The following FFAR4 variants were observed in gnomAD, a reference collection of about 807,000 sequenced individuals.
FFAR4 encodes free fatty acid receptor 4, also known as G-protein coupled receptor 120.
FFAR4 carries 19 observed loss-of-function variants against 27.0 expected under a neutral mutation model. The ratio of observed to expected loss-of-function variants is 0.70; its 90% CI spans 0.49 to 1.03. The LOEUF is 1.03. Among genes scored for constraint, FFAR4 ranks in the 50% least tolerant of loss-of-function variants. FFAR4 has a pLI of 0.00. For missense variants in FFAR4, 476 were observed against 479.0 expected (o/e 0.99, Z 0.06); for synonymous variants, 254 against 215.6 (o/e 1.18, Z -1.56).
At chr10:93,579,685 A>G (rs2058187609) in intron 2 of FFAR4, among the ~76,000 whole-genome samples, 1 of 152,176 alleles carries the variant, frequency 6.6e-6, no homozygotes, top group Non-Finnish European at 1.5e-5. Context: ...TGGCTCATTC[A>G]TTGTAGGTGC....
At chr10:93,567,624 C>T (rs1416179728) in intron 1 of FFAR4, among the ~76,000 whole-genome samples, 1 of 152,118 alleles carries the variant, frequency 6.6e-6, no homozygotes, top group Admixed American at 6.5e-5. Flanking sequence ...TGATTCCTCG[C>T]CAGGTGCTAC....
At chr10:93,577,512 A>T (rs1263243450) in intron 2 of FFAR4, among the ~76,000 whole-genome samples, 2 of 152,184 alleles carry the variant, frequency 1.3e-5, no homozygotes, top group African/African-American at 2.4e-5. Flanking sequence ...CACTAAAGTG[A>T]CACCCAGCCT....
rs2134561086 is a variant in FFAR4 at position 93,588,766 on chromosome 10, G to A, written c.*1157G>A. The A allele has an allele frequency of 6.6e-6, 1 of 152,354 alleles. No individual in the cohort carries two copies. Among genetic ancestry groups the A allele is most frequent in the Middle Eastern group, 3.4e-3 (1 of 294 alleles). 9.4% of individuals were successfully genotyped at this position (152,354 alleles called of 1,614,324 possible). On this transcript the variant is annotated 3_prime_UTR_variant, in exon 3 of 3. Coordinates refer to ENST00000371481, the MANE Select transcript of FFAR4 (RefSeq NM_001195755.2). ...AACGGCACAATCACGGCTCCCTGAA[G>A]CCTCAAATGCCTTGGCTCAAGCAAT... is the stretch of plus-strand genomic sequence containing the variant.
intron 1 of FFAR4, among the ~76,000 whole-genome samples, chr10:93,569,260 G>A (rs1469293471): frequency 6.6e-6 from 1 of 152,200 alleles, no homozygotes; most frequent in Non-Finnish European, 1.5e-5. Context: ...GTTTTCAGAT[G>A]TGTATTTTGT....
chr10:93,586,892 T>A (rs138959762), intron 2 of FFAR4, among the ~76,000 whole-genome samples: 1 of 152,310 alleles, frequency 6.6e-6, no homozygotes, highest in East Asian at 1.9e-4. Flanking sequence ...GTTTGAACCC[T>A]AAGCACATTG....
At position 93,566,991 on chromosome 10, in the gene FFAR4, G is replaced by T. The variant is rs566008442; in HGVS notation, c.271G>T (p.Ala91Ser). 6.3e-5 allele frequency: 102 copies of T among 1,611,932 alleles called. No homozygotes were observed. In the East Asian group the frequency reaches 2.0e-3, roughly 31 times the overall value. ...LFCADLLFIS[A>S]IPLVLAVRWT... ...CTGCGCGGACCTGCTCTTCATCAGC[G>T]CTATCCCTCTGGTGCTGGCCGTGCG... Residue 91 changes from alanine to serine, a missense_variant, in exon 1 of 3, where the codon GCT becomes TCT. Transcript: ENST00000371481.
chr10:93,580,646 G>T (rs1358299163), intron 2 of FFAR4, among the ~76,000 whole-genome samples: 1 of 152,162 alleles, frequency 6.6e-6, no homozygotes, highest in East Asian at 1.9e-4. Context: ...TCTCCACAGA[G>T]CATCTCTCTG....
At chr10:93,568,999 T>A (rs1268584680) in intron 1 of FFAR4, among the ~76,000 whole-genome samples, 1 of 152,134 alleles carries the variant, frequency 6.6e-6, no homozygotes, top group Non-Finnish European at 1.5e-5. Context: ...TGGACAGGCT[T>A]GTTCTTAGCC....
chr10:93,571,749 G>A (rs780298770), intron 1 of FFAR4, among the ~76,000 whole-genome samples: 30 of 151,994 alleles, frequency 2.0e-4, no homozygotes, highest in Non-Finnish European at 3.5e-4. Context: ...TCTCTTTTTT[G>A]CTGGGAAGCT....
intron 2 of FFAR4, among the ~76,000 whole-genome samples, chr10:93,580,409 C>T (rs2058190440): frequency 6.6e-6 from 1 of 152,210 alleles, no homozygotes; most frequent in African/African-American, 2.4e-5. Flanking sequence ...TTTTTCACAT[C>T]ACCCTGGTCT....
intron 1 of FFAR4, among the ~76,000 whole-genome samples, chr10:93,568,569 G>C (rs1416542894): frequency 6.6e-6 from 1 of 152,120 alleles, no homozygotes; most frequent in Admixed American, 6.5e-5. Context: ...CCAGGGGAAG[G>C]CTTGGTTATG....
chr10:93,575,735 T>C (rs992282725), intron 1 of FFAR4, among the ~76,000 whole-genome samples: 3 of 152,224 alleles, frequency 2.0e-5, no homozygotes, highest in African/African-American at 7.2e-5. Flanking sequence ...TTTTCTCCTT[T>C]GTAAAATGGC....
At chr10:93,586,704 A>G (rs926983427) in intron 2 of FFAR4, among the ~76,000 whole-genome samples, 1 of 152,132 alleles carries the variant, frequency 6.6e-6, no homozygotes, top group Non-Finnish European at 1.5e-5. Flanking sequence ...CCATCTGTGT[A>G]CCAGGTAAAA....
Position 93,587,396 on chromosome 10 carries a change from C to G in FFAR4, c.873C>G (p.Asn291Lys). ...CCATCCTCCTCATCCTGATCCAGAACTTCAAGCAAGACCTGGTCATCTGGC... is the reference window on the plus strand; with the variant it reads ...CCATCCTCCTCATCCTGATCCAGAAGTTCAAGCAAGACCTGGTCATCTGGC... The part of the protein sequence containing the change: ...IITILLILIQ[N>K]FKQDLVIWPS... The change falls in exon 3 of 3, where the codon AAC becomes AAG. Residue 291 changes from asparagine to lysine, a missense_variant. Transcript: ENST00000371481. The G allele has an allele frequency of 6.2e-7, 1 of 1,614,098 alleles. No individual in the cohort carries two copies. Among genetic ancestry groups the G allele is most frequent in the Non-Finnish European group, 8.5e-7 (1 of 1,180,012 alleles).
intron 1 of FFAR4, among the ~76,000 whole-genome samples, chr10:93,574,611 G>A (rs760063953): frequency 3.3e-5 from 5 of 152,238 alleles, no homozygotes; most frequent in Admixed American, 6.5e-5. Flanking sequence ...GTTTCTGGCC[G>A]GGCATGGTGG....
At chr10:93,582,334 C>G (rs548207609) in intron 2 of FFAR4, among the ~76,000 whole-genome samples, 1 of 151,936 alleles carries the variant, frequency 6.6e-6, no homozygotes, top group South Asian at 2.1e-4. Flanking sequence ...CACCTGAGGT[C>G]GGGAGGTCAA....
At chr10:93,584,708 T>A (rs1040703394) in intron 2 of FFAR4, among the ~76,000 whole-genome samples, 2 of 145,280 alleles carry the variant, frequency 1.4e-5, no homozygotes, top group Non-Finnish European at 3.0e-5. Flanking sequence ...TAGTTACAAG[T>A]TTTTGTTTTT....
At chr10:93,575,787 C>A (rs1369925880) in intron 1 of FFAR4, among the ~76,000 whole-genome samples, 1 of 152,204 alleles carries the variant, frequency 6.6e-6, no homozygotes, top group Non-Finnish European at 1.5e-5. Flanking sequence ...GCATGTCAGC[C>A]CAGGGAAGTG....
chr10:93,572,006 C>G (rs1316683424), intron 1 of FFAR4, among the ~76,000 whole-genome samples: 1 of 152,174 alleles, frequency 6.6e-6, no homozygotes, highest in African/African-American at 2.4e-5. Flanking sequence ...TTCCACAGTG[C>G]CTGTGGACAG....
Sources: allele counts gnomAD v4.1 joint callset (sites outside exome capture counted in the v4.1 genomes callset), GRCh38; gene constraint gnomAD v4.1.1; transcripts MANE v1.5; gene names NCBI Gene and HGNC (gene_info 2026-07-23, HGNC 2026-07-21).